Variants in A4GALT observed in about 807,000 individuals in gnomAD.
The protein encoded by A4GALT is alpha 1,4-galactosyltransferase (P1PK blood group).
For missense variants in A4GALT, 512 were observed against 486.0 expected, an observed-to-expected ratio of 1.05 and a Z score of -0.50; for synonymous variants, 257 against 220.7, an observed-to-expected ratio of 1.16 and a Z score of -1.46.
intron 1 of A4GALT, among the ~76,000 whole-genome samples, chr22:42,718,092 A>C (rs562603708): frequency 6.6e-6 from 1 of 152,372 alleles, no homozygotes. Context: ...AGAGCCAAAT[A>C]TATTTTTAAA....
rs960172313 is a variant in A4GALT at position 42,706,752 on chromosome 22, G to A, written c.-187-11121C>T. 8.1e-5 allele frequency among the ~76,000 whole-genome samples: 12 copies of A among 148,598 alleles called. No homozygotes were observed. The South Asian group carries it at 8.6e-4, about 11-fold the overall frequency. ...GGAGGTTGCAGTGAGCCAAGATTAC[G>A]CCACTGCACTCCAGCCTGGGTGATG... On this transcript the variant is annotated intron_variant, in intron 1 of 2. Coordinates refer to ENST00000642412, the MANE Select transcript of A4GALT (RefSeq NM_017436.7).
chr22:42,701,149 C>T (rs564361337), intron 1 of A4GALT, among the ~76,000 whole-genome samples: 2 of 152,348 alleles, frequency 1.3e-5, no homozygotes, highest in East Asian at 1.9e-4. Flanking sequence ...CAGCTCGTTG[C>T]CTCACGGCTT....
Position 42,693,750 on chromosome 22 carries a change from T to TGGGGGGGGGCGGGGGGGGGGGGGGGGG in A4GALT, c.201_202insCCCCCCCCCCCCCCCCCGCCCCCCCCC (p.Pro67_Thr68insProProProProProProProProPro). 1 of 391,450 alleles carries TGGGGGGGGGCGGGGGGGGGGGGGGGGG rather than the reference T, an allele frequency of 2.6e-6. No individual in the cohort carries two copies. The highest frequency in any genetic ancestry group is 4.3e-6 in the Non-Finnish European group (1 of 232,108). 24.2% of individuals were successfully genotyped at this position (391,450 alleles called of 1,614,324 possible). On this transcript the variant is annotated inframe_insertion, in exon 3 of 3. Transcript: ENST00000642412. ...GGAGTGGGGCCGTGGGAGGGTGGGG[T>TGGGGGGGGGCGGGGGGGGGGGGGGGGG]GGGGGGTGTCAAGGTGGGGCAGGGG...
chr22:42,696,380 A>G (rs1601987813), intron 1 of A4GALT, among the ~76,000 whole-genome samples: 1 of 150,896 alleles, frequency 6.6e-6, no homozygotes, highest in South Asian at 2.1e-4. Context: ...AGATTGCACC[A>G]CTGCACTCCA....
intron 1 of A4GALT, among the ~76,000 whole-genome samples, chr22:42,719,564 G>T (rs5758895): frequency 0.34 from 51,375 of 151,830 alleles, 8,929 homozygotes; most frequent in East Asian, 0.62. Context: ...ACCCTCTTTT[G>T]GGGGGTTGCA....
intron 1 of A4GALT, among the ~76,000 whole-genome samples, chr22:42,709,806 A>T (rs544686059): frequency 2.8e-4 from 42 of 152,198 alleles, no homozygotes; most frequent in South Asian, 1.5e-3. Context: ...TAAAAAAAAT[A>T]AAAAAATGGG....
At chr22:42,698,540 C>T (rs1434270382) in intron 1 of A4GALT, among the ~76,000 whole-genome samples, 1 of 152,206 alleles carries the variant, frequency 6.6e-6, no homozygotes, top group Non-Finnish European at 1.5e-5. Context: ...AAACGGAGTC[C>T]GCACTGAGCC....
At chr22:42,697,451 G>A (rs916231) in intron 1 of A4GALT, among the ~76,000 whole-genome samples, 18,699 of 152,110 alleles carry the variant, frequency 0.12, 1,315 homozygotes, top group African/African-American at 0.18. Context: ...CCACGCGGAC[G>A]GGTGGACAGT....
chr22:42,714,730 T>C (rs5758893), intron 1 of A4GALT, among the ~76,000 whole-genome samples: 97,371 of 151,784 alleles, frequency 0.64, 31,810 homozygotes, highest in East Asian at 0.84. Flanking sequence ...GATGGTGCCA[T>C]TGCACTACAG....
At chr22:42,705,750 C>T (rs1395302028) in intron 1 of A4GALT, among the ~76,000 whole-genome samples, 1 of 125,032 alleles carries the variant, frequency 8.0e-6, no homozygotes, top group Admixed American at 8.2e-5. Context: ...CACCTGTAAT[C>T]CCAGCACTTT....
intron 1 of A4GALT, among the ~76,000 whole-genome samples, chr22:42,713,304 T>C (rs1266715586): frequency 1.3e-5 from 2 of 152,164 alleles, no homozygotes; most frequent in African/African-American, 4.8e-5. Flanking sequence ...TGAGAGTTTC[T>C]GCTCAACCTC....
chr22:42,701,108 G>C (rs138484628), intron 1 of A4GALT, among the ~76,000 whole-genome samples: 1 of 152,168 alleles, frequency 6.6e-6, no homozygotes, highest in East Asian at 1.9e-4. Context: ...GTCAGACAGG[G>C]ACCAAGGTGG....
intron 1 of A4GALT, among the ~76,000 whole-genome samples, chr22:42,717,438 C>T (rs1285060016): frequency 6.6e-6 from 1 of 152,144 alleles, no homozygotes; most frequent in Non-Finnish European, 1.5e-5. Flanking sequence ...CGCTGACTTC[C>T]AACTCCCTCT....
At chr22:42,717,564 T>A (rs1922304181) in intron 1 of A4GALT, among the ~76,000 whole-genome samples, 2 of 152,066 alleles carry the variant, frequency 1.3e-5, no homozygotes, top group African/African-American at 2.4e-5. Context: ...ACCTCCTCAG[T>A]CCTCGGAGAC....
intron 1 of A4GALT, among the ~76,000 whole-genome samples, chr22:42,710,556 G>C (rs1410082413): frequency 1.3e-5 from 2 of 152,080 alleles, no homozygotes; most frequent in African/African-American, 4.8e-5. Context: ...AATTAGTGGA[G>C]CATGGTGGTA....
chr22:42,702,779 C>T lies in A4GALT; in HGVS notation c.-187-7148G>A, dbSNP rs117589635. On this transcript the variant is annotated intron_variant, in intron 1 of 2. Transcript: ENST00000642412. ...GAGCCTTCGTGCAGATAAGGTGGAA[C>T]GCCCACCGGGTTCCTTCACTTGCCG... Among the ~76,000 whole-genome samples the T allele has an allele frequency of 5.4e-4, 77 of 143,678 alleles. 2 individuals are homozygous for T. The East Asian group carries it at 8.1e-3, about 15-fold the overall frequency. The allele number at this position is 143,678 out of a possible 152,430, so 94.3% of individuals were successfully genotyped here. A position where few individuals can be genotyped will look rare whatever the true frequency, so the allele number is the denominator to read the frequency against.
At chr22:42,719,843 C>A (rs1191741014) in intron 1 of A4GALT, among the ~76,000 whole-genome samples, 3 of 152,164 alleles carry the variant, frequency 2.0e-5, no homozygotes, top group Non-Finnish European at 4.4e-5. Context: ...CCCCAAGGGG[C>A]CTTCGCGGAA....
At position 42,693,512 on chromosome 22, in the gene A4GALT, C is replaced by T. The variant is rs550617900; in HGVS notation, c.440G>A (p.Arg147Gln). The part of the protein sequence containing the change: ...PNVQMLPLDL[R>Q]ELFRDTPLAD... Reference sequence around the variant, plus strand: ...CAGGGGTGTGTCCCGGAACAGCTCCCGCAGGTCCAGCGGGAGCATCTGGAC... The same window carrying T: ...CAGGGGTGTGTCCCGGAACAGCTCCTGCAGGTCCAGCGGGAGCATCTGGAC... Residue 147 changes from arginine to glutamine, a missense_variant, in exon 3 of 3, where the codon CGG becomes CAG. Coordinates refer to ENST00000642412, the MANE Select transcript of A4GALT (RefSeq NM_017436.7). 8.7e-6 allele frequency: 14 copies of T among 1,613,192 alleles called. No individual in the cohort carries two copies. Among genetic ancestry groups the T allele is most frequent in the East Asian group, 6.7e-5 (3 of 44,870 alleles).
intron 1 of A4GALT, among the ~76,000 whole-genome samples, chr22:42,698,180 A>G (rs1387986494): frequency 6.7e-6 from 1 of 150,346 alleles, no homozygotes; most frequent in Non-Finnish European, 1.5e-5. Context: ...CTCGGGAGGC[A>G]GAGGTTGCAG....
Sources: gnomAD v4.1 joint callset for allele counts (sites outside exome capture counted in the v4.1 genomes callset) on GRCh38, gnomAD v4.1.1 for gene constraint, MANE v1.5 for transcripts, NCBI Gene and HGNC (gene_info 2026-07-23, HGNC 2026-07-21) for gene names.